ANO2: variants seen among roughly 807,000 people sequenced by gnomAD.
ANO2 encodes the protein anoctamin 2.
ANO2 carries 101 observed loss-of-function variants against 124.2 expected under a neutral mutation model. That is an observed-to-expected ratio of 0.81 (90% CI 0.69 to 0.96). The LOEUF (loss-of-function observed/expected upper bound fraction) is 0.96. ANO2 is among the 40% of genes least tolerant of loss of function. ANO2 has a pLI of 0.00. For missense variants in ANO2, 1,293 were observed against 1,274.5 expected (o/e 1.01, Z -0.22); for synonymous variants, 486 against 482.5 (o/e 1.01, Z -0.09).
chr12:5,882,317 A>G (rs1359683148), intron 3 of ANO2, among the ~76,000 whole-genome samples: 2 of 152,258 alleles, frequency 1.3e-5, no homozygotes, highest in East Asian at 3.8e-4. Flanking sequence ...TGTGGTCTTC[A>G]TGCTGCAAAT....
rs79974339 is a variant in ANO2, at chr12:5,925,892, C to T, written c.23-3088G>A. ...TTCCAGCTCTCTCCCTGGGCACTCT[C>T]ATCCACTCCAGAGACCTTCATTGTC... On this transcript the variant is annotated intron_variant, in intron 1 of 24. Coordinates refer to ENST00000682330, the MANE Select transcript of ANO2 (RefSeq NM_001364791.2). This position sits in a 1 kb window ranked among gnomAD's most constrained non-coding sequence, Gnocchi z 4.6. 5.9e-5 allele frequency among the ~76,000 whole-genome samples: 9 copies of T among 152,348 alleles called. No individual in the cohort carries two copies. The highest frequency in any genetic ancestry group is 1.3e-4 in the Non-Finnish European group (9 of 68,032).
chr12:5,881,381 T>C (rs11063899), intron 3 of ANO2, among the ~76,000 whole-genome samples: 2,516 of 152,274 alleles, frequency 0.017, 59 homozygotes, highest in African/African-American at 0.058. Flanking sequence ...TCATCATCAG[T>C]ATAGCTGCTG....
chr12:5,715,102 G>C (rs1242582869), intron 14 of ANO2, among the ~76,000 whole-genome samples: 1 of 151,544 alleles, frequency 6.6e-6, no homozygotes, highest in Non-Finnish European at 1.5e-5. Context: ...TGTACATGTT[G>C]TAAAGTTGAA....
Position 5,750,901 on chromosome 12 carries a change from T to C in ANO2, c.1125A>G (p.Pro375=), listed in dbSNP as rs1951415068. ...WLGLYTSFLI[P]SSVIGVIVFL... ...ACACAATCACTCCAATTACAGAAGA[T>C]GGGATGAGGAATGATGTATATAATC... Residue 375 remains proline (P), a synonymous_variant, in exon 11 of 25, where the codon CCA becomes CCG. Coordinates refer to ENST00000682330, the MANE Select transcript of ANO2 (RefSeq NM_001364791.2). 3.1e-6 allele frequency: 5 copies of C among 1,612,106 alleles called. No homozygotes were observed. The highest frequency in any genetic ancestry group is 4.2e-6 in the Non-Finnish European group (5 of 1,178,964).
chr12:5,864,369 G>A (rs926314238), intron 3 of ANO2, among the ~76,000 whole-genome samples: 1 of 152,228 alleles, frequency 6.6e-6, no homozygotes, highest in Non-Finnish European at 1.5e-5. Context: ...CAAAACTCAG[G>A]GAGGCCAGTA....
At chr12:5,914,230 G>A (rs758981619) in intron 3 of ANO2, among the ~76,000 whole-genome samples, 2 of 151,748 alleles carry the variant, frequency 1.3e-5, no homozygotes, top group East Asian at 1.9e-4. Flanking sequence ...AGAAAGTGAG[G>A]CGACATTCTG....
chr12:5,914,129 G>A (rs1464741232), intron 3 of ANO2, among the ~76,000 whole-genome samples: 1 of 152,128 alleles, frequency 6.6e-6, no homozygotes, highest in African/African-American at 2.4e-5. Flanking sequence ...GAACCCGGGA[G>A]GCGGAGGTTG....
At chr12:5,718,841 G>A (rs1224892330) in intron 14 of ANO2, among the ~76,000 whole-genome samples, 2 of 152,130 alleles carry the variant, frequency 1.3e-5, no homozygotes, top group African/African-American at 4.8e-5. Flanking sequence ...TTACTTGCTG[G>A]ACTGCCCTTC....
chr12:5,907,581 A>C (rs1230866193), intron 3 of ANO2, among the ~76,000 whole-genome samples: 1 of 152,200 alleles, frequency 6.6e-6, no homozygotes, highest in African/African-American at 2.4e-5. Context: ...CTCATCAAGC[A>C]GTTTCATTCA....
chr12:5,692,301 T>A (rs1429651397), intron 14 of ANO2, among the ~76,000 whole-genome samples: 1 of 152,142 alleles, frequency 6.6e-6, no homozygotes, highest in African/African-American at 2.4e-5. Context: ...CTAGGATGAC[T>A]CCTACGTTTT....
At chr12:5,916,587 G>A (rs570567772) in intron 3 of ANO2, among the ~76,000 whole-genome samples, 1 of 150,786 alleles carries the variant, frequency 6.6e-6, no homozygotes, top group Non-Finnish European at 1.5e-5. Flanking sequence ...TTCATTAACT[G>A]TAACAAATGT....
intron 14 of ANO2, among the ~76,000 whole-genome samples, chr12:5,675,232 T>C (rs902857200): frequency 4.6e-5 from 7 of 152,274 alleles, no homozygotes; most frequent in African/African-American, 1.4e-4. Context: ...TACACACATA[T>C]CCTATTTGTC....
chr12:5,622,234 T>G (rs1328362005), intron 16 of ANO2, among the ~76,000 whole-genome samples: 2 of 152,182 alleles, frequency 1.3e-5, no homozygotes, highest in Non-Finnish European at 2.9e-5. Context: ...AGCAATTCCC[T>G]CCAAGTTCCC....
chr12:5,819,548 G>T (rs12228464), intron 7 of ANO2, among the ~76,000 whole-genome samples: 1 of 151,966 alleles, frequency 6.6e-6, no homozygotes, highest in South Asian at 2.1e-4. Context: ...CCACTGTGGT[G>T]AGCTGAAAAT....
At chr12:5,762,350 T>C (rs1565649795) in intron 10 of ANO2, among the ~76,000 whole-genome samples, 2 of 152,012 alleles carry the variant, frequency 1.3e-5, no homozygotes, top group African/African-American at 2.4e-5. Context: ...AGAGGAAGCA[T>C]ATGTTTCTAG....
chr12:5,918,850 A>G (rs184084452), intron 3 of ANO2, among the ~76,000 whole-genome samples: 84 of 152,320 alleles, frequency 5.5e-4, no homozygotes, highest in African/African-American at 1.9e-3. Context: ...TATGTACCAG[A>G]CATTGTGCTG....
intron 3 of ANO2, among the ~76,000 whole-genome samples, chr12:5,905,406 C>T (rs1177760473): frequency 6.6e-6 from 1 of 152,268 alleles, no homozygotes; most frequent in South Asian, 2.1e-4. Flanking sequence ...ACTTTATGTT[C>T]CTAGCACAGT....
intron 21 of ANO2, 95 bp from the exon 22 acceptor site, chr12:5,578,102 C>G: frequency 6.8e-7 from 1 of 1,461,400 alleles, no homozygotes; most frequent in Non-Finnish European, 9.4e-7. Context: ...AGGTGAACTA[C>G]GGAGCAGCTT....
At chr12:5,730,051 AT>A (rs749754440) in intron 14 of ANO2, among the ~76,000 whole-genome samples, 5 of 152,206 alleles carry the variant, frequency 3.3e-5, no homozygotes, top group African/African-American at 4.8e-5. Context: ...TTAAATATAA[AT>A]TGTGTAGATA....
Sources: allele counts gnomAD v4.1 joint callset (sites outside exome capture counted in the v4.1 genomes callset), GRCh38; gene constraint gnomAD v4.1.1; non-coding constraint Gnocchi (gnomAD v3.1); transcripts MANE v1.5; gene names NCBI Gene and HGNC (gene_info 2026-07-23, HGNC 2026-07-21).